Variants in ERAP2 observed in about 807,000 individuals in gnomAD.
ERAP2 encodes the protein endoplasmic reticulum aminopeptidase 2.
Under a neutral mutation model 111.1 loss-of-function variants are expected in ERAP2, and 118 were observed. The ratio of observed to expected loss-of-function variants is 1.06; its 90% CI spans 0.92 to 1.24. The LOEUF is 1.24. Among genes scored for constraint, ERAP2 ranks in the 50% most tolerant of loss-of-function variants. The pLI, the probability that ERAP2 is intolerant of heterozygous loss-of-function variation, is 0.00. For missense variants in ERAP2, 1,131 were observed against 1,125.8 expected (o/e 1.00, Z -0.07); for synonymous variants, 410 against 401.2 (o/e 1.02, Z -0.26).
intron 6 of ERAP2, among the ~76,000 whole-genome samples, chr5:96,893,370 G>T (rs1271205848): frequency 6.6e-6 from 1 of 152,106 alleles, no homozygotes; most frequent in Non-Finnish European, 1.5e-5. Context: ...CCACAATAAT[G>T]AGCTGTTGTT....
chr5:96,917,934 A>C lies in ERAP2; in HGVS notation c.*329A>C, dbSNP rs1424650993. On this transcript the variant is annotated 3_prime_UTR_variant, in exon 19 of 19. Transcript: ENST00000437043. ...AAAAAAAAAAAAAAAAAAAAGAAAAAGAAAAAGAAAAGAAAAGAAAAGGTA... is the reference window on the plus strand; with the variant it reads ...AAAAAAAAAAAAAAAAAAAAGAAAACGAAAAAGAAAAGAAAAGAAAAGGTA... 2.5e-5 allele frequency: 4 copies of C among 161,116 alleles called. No individual in the cohort carries two copies. Among genetic ancestry groups the C allele is most frequent in the Non-Finnish European group, 5.3e-5 (4 of 75,022 alleles). 10.0% of individuals were successfully genotyped at this position (161,116 alleles called of 1,614,324 possible). A position where few individuals can be genotyped will look rare whatever the true frequency, so the allele number is the denominator to read the frequency against.
At chr5:96,898,149 T>C (rs1183701311) in intron 9 of ERAP2, among the ~76,000 whole-genome samples, 2 of 151,998 alleles carry the variant, frequency 1.3e-5, no homozygotes, top group Non-Finnish European at 2.9e-5. Context: ...TGAGCCGAGA[T>C]TGCACCACTG....
rs769523685 is a variant in ERAP2 at position 96,880,009 on chromosome 5, C to T, written c.324C>T (p.Ile108=). 2 of 1,614,162 alleles carry T rather than the reference C, an allele frequency of 1.2e-6. No individual in the cohort carries two copies. Among genetic ancestry groups the T allele is most frequent in the South Asian group, 2.2e-5 (2 of 91,076 alleles). The change falls in exon 2 of 19, where the codon ATC becomes ATT. Residue 108 remains isoleucine, a synonymous_variant. Transcript: ENST00000437043. ...EVLVSNATQF[I]ILHSKDLEIT... is the part of the protein sequence containing the mutation. ...TGGTCAGCAATGCTACCCAGTTTATCATCTTGCACAGCAAAGATCTTGAAA... is the reference window on the plus strand; with the variant it reads ...TGGTCAGCAATGCTACCCAGTTTATTATCTTGCACAGCAAAGATCTTGAAA...
chr5:96,896,879 G>A lies in ERAP2; in HGVS notation c.1503+16G>A. On this transcript the variant is annotated intron_variant, in intron 9 of 18. Coordinates refer to ENST00000437043, the MANE Select transcript of ERAP2 (RefSeq NM_022350.5). ...TCTGTCAAATGTAAGTCATATGTTG[G>A]GTAACGATAGACTGTTATTTAATCT... The A allele has an allele frequency of 2.6e-6, 4 of 1,556,686 alleles. No individual in the cohort carries two copies. Among genetic ancestry groups the A allele is most frequent in the East Asian group, 4.6e-5 (2 of 43,374 alleles).
At chr5:96,877,534 T>C (rs1165111821) in intron 1 of ERAP2, among the ~76,000 whole-genome samples, 3 of 152,246 alleles carry the variant, frequency 2.0e-5, no homozygotes, top group African/African-American at 7.2e-5. Flanking sequence ...CTGTGCCAAC[T>C]TCTTCACATG....
At chr5:96,884,584 G>GTC (rs1253811097) in intron 3 of ERAP2, among the ~76,000 whole-genome samples, 1 of 151,922 alleles carries the variant, frequency 6.6e-6, no homozygotes, top group Non-Finnish European at 1.5e-5. Flanking sequence ...TTGAGACAGA[G>GTC]TCTCTCTCTG....
At chr5:96,904,377 G>A (rs144311468) in intron 13 of ERAP2, among the ~76,000 whole-genome samples, 20 of 152,272 alleles carry the variant, frequency 1.3e-4, no homozygotes, top group African/African-American at 4.8e-4. Flanking sequence ...TACTCAATGT[G>A]ACATATAATT....
intron 10 of ERAP2, among the ~76,000 whole-genome samples, chr5:96,900,703 G>C (rs1357845387): frequency 6.6e-6 from 1 of 152,002 alleles, no homozygotes; most frequent in Non-Finnish European, 1.5e-5. Context: ...TTTAGACAAA[G>C]TCTCACTCTG....
At chr5:96,891,800 C>G (rs1216387062) in intron 5 of ERAP2, among the ~76,000 whole-genome samples, 2 of 151,976 alleles carry the variant, frequency 1.3e-5, no homozygotes, top group African/African-American at 4.8e-5. Flanking sequence ...AAATATCAAT[C>G]GAAATATTGA....
rs530358131 is a variant in ERAP2, at chr5:96,879,922, C to T, written c.237C>T (p.Asp79=). ...GTGTGGTCATTCCTCTCCATTATGA[C>T]CTCTTTGTCCACCCCAATCTCACCT... ...LPSVVIPLHY[D]LFVHPNLTSL... Residue 79 remains aspartate (D), a synonymous_variant, in exon 2 of 19, where the codon GAC becomes GAT. Transcript: ENST00000437043. 1.3e-5 allele frequency: 21 copies of T among 1,614,132 alleles called. No homozygotes were observed. The South Asian group carries it at 1.8e-4, about 14-fold the overall frequency.
intron 13 of ERAP2, among the ~76,000 whole-genome samples, chr5:96,904,148 G>A (rs1324473703): frequency 1.3e-5 from 2 of 152,112 alleles, no homozygotes; most frequent in Non-Finnish European, 2.9e-5. Flanking sequence ...ACGTTTGTAG[G>A]GAAATGAAGT....
chr5:96,896,122 G>C (rs1784835468), intron 7 of ERAP2, among the ~76,000 whole-genome samples: 1 of 152,002 alleles, frequency 6.6e-6, no homozygotes, highest in Admixed American at 6.6e-5. Context: ...TGTATTCAAG[G>C]GCTGGTACAT....
At chr5:96,914,673 A>G (rs1054252585) in intron 17 of ERAP2, among the ~76,000 whole-genome samples, 8 of 152,176 alleles carry the variant, frequency 5.3e-5, no homozygotes, top group Non-Finnish European at 1.2e-4. Flanking sequence ...TGCTTTATCA[A>G]CATGAATCAC....
At chr5:96,910,477 C>A (rs1420277788) in intron 15 of ERAP2, among the ~76,000 whole-genome samples, 1 of 151,024 alleles carries the variant, frequency 6.6e-6, no homozygotes, top group African/African-American at 2.4e-5. Flanking sequence ...TAAAAAAAAA[C>A]CTTTTAAATC....
At chr5:96,882,634 G>GT (rs1242914841) in intron 2 of ERAP2, among the ~76,000 whole-genome samples, 1 of 152,070 alleles carries the variant, frequency 6.6e-6, no homozygotes, top group Non-Finnish European at 1.5e-5. Context: ...AGGTTTTTTT[G>GT]TTTTTTCAAT....
chr5:96,897,750 T>G (rs1182427577), intron 9 of ERAP2, among the ~76,000 whole-genome samples: 1 of 152,204 alleles, frequency 6.6e-6, no homozygotes, highest in Admixed American at 6.5e-5. Context: ...AAATAATTTT[T>G]TATAGAACCA....
At chr5:96,910,275 A>AC (rs568790060) in intron 15 of ERAP2, 2 of 150,218 alleles carry the variant, frequency 1.3e-5, no homozygotes, top group Non-Finnish European at 3.0e-5. Context: ...AAAAAAAAAA[A>AC]AAAAACTTTT....
In ERAP2 at chr5:96,879,835, TG is replaced by T; in HGVS notation, c.154del (p.Ala52LeufsTer4). 5 of 1,614,134 alleles carry T rather than the reference TG, an allele frequency of 3.1e-6. No homozygotes were observed. The highest frequency in any genetic ancestry group is 4.2e-6 in the Non-Finnish European group (5 of 1,180,022). ...CTAGTTATCACTTCACTGAGGATCC[TG>T]GGGCTTTCCCAGTAGCCACTAATGG... is the stretch of plus-strand genomic sequence containing the variant. ...PSSYHFTEDP[G>X]AFPVATNGER... On this transcript the variant is annotated frameshift_variant, in exon 2 of 19. Transcript: ENST00000437043. LOFTEE classifies it high-confidence loss of function.
At chr5:96,903,636 G>A (rs1785726150) in intron 13 of ERAP2, 76 bp downstream of exon 13, 4 of 1,298,638 alleles carry the variant, frequency 3.1e-6, no homozygotes, top group Non-Finnish European at 4.2e-6. Flanking sequence ...AATATTGAAT[G>A]TTCAACATTG....
Sources: allele counts gnomAD v4.1 joint callset (sites outside exome capture counted in the v4.1 genomes callset), GRCh38; gene constraint gnomAD v4.1.1; transcripts MANE v1.5; gene names NCBI Gene and HGNC (gene_info 2026-07-23, HGNC 2026-07-21).